The following LRRFIP1 variants were observed in gnomAD, a reference collection of about 807,000 sequenced individuals.
The protein encoded by LRRFIP1 is leucine-rich repeat flightless-interacting protein 1.
LRRFIP1 carries 62 observed loss-of-function variants against 104.4 expected under a neutral mutation model. The observed-to-expected ratio is 0.59, with a 90% CI of 0.48 to 0.73. The LOEUF (loss-of-function observed/expected upper bound fraction) is 0.73. LRRFIP1 is among the 30% of genes least tolerant of loss of function. The probability of loss-of-function intolerance (pLI) is 0.00; values close to 1 mark genes in which losing one functional copy is unlikely to be tolerated. For synonymous variants in LRRFIP1, 300 were observed against 299.0 expected, an observed-to-expected ratio of 1.00 and a Z score of -0.03; for missense variants, 796 against 824.5, an observed-to-expected ratio of 0.97 and a Z score of 0.42.
rs186833707 is a variant in LRRFIP1, at chr2:237,666,609, G to C, written c.96+38869G>C. Among the ~76,000 whole-genome samples the C allele has an allele frequency of 2.2e-3, 328 of 152,268 alleles. 4 individuals carry two copies. In the East Asian group the frequency reaches 0.025, roughly 12 times the overall value. ...CCTGGAGACAGGGAGGCCCTGAGAGGTCTCGGTGGTGACGGGTTGCAGGCA... is the reference window on the plus strand; with the variant it reads ...CCTGGAGACAGGGAGGCCCTGAGAGCTCTCGGTGGTGACGGGTTGCAGGCA... On this transcript the variant is annotated intron_variant, in intron 1 of 23. Coordinates refer to ENST00000308482, the MANE Select transcript of LRRFIP1 (RefSeq NM_001137550.2).
chr2:237,665,450 A>G (rs1421137003), intron 1 of LRRFIP1, among the ~76,000 whole-genome samples: 5 of 152,238 alleles, frequency 3.3e-5, no homozygotes, highest in Non-Finnish European at 7.3e-5. Context: ...CTCTTCACGT[A>G]AGAATGAGAT....
rs371272190 is a variant in LRRFIP1 at position 237,712,786 on chromosome 2, C to T, written c.184-1473C>T. ...TGGAGGATTTGGGAAGGTGCACTGA[C>T]GACACCTCCCTCACGCTCTTCTTTG... On this transcript the variant is annotated intron_variant, in intron 2 of 23. Coordinates refer to ENST00000308482, the MANE Select transcript of LRRFIP1 (RefSeq NM_001137550.2). Among the ~76,000 whole-genome samples the T allele has an allele frequency of 1.4e-4, 22 of 152,288 alleles. No homozygotes were observed. In the East Asian group the frequency reaches 2.9e-3, roughly 20 times the overall value.
intron 3 of LRRFIP1, among the ~76,000 whole-genome samples, chr2:237,715,863 A>G (rs550988046): frequency 6.6e-6 from 1 of 152,294 alleles, no homozygotes; most frequent in East Asian, 1.9e-4. Context: ...CCCAGGAACT[A>G]CTAGTTAATT....
chr2:237,749,566 C>T (rs775088472), intron 13 of LRRFIP1, among the ~76,000 whole-genome samples: 13 of 152,262 alleles, frequency 8.5e-5, no homozygotes, highest in South Asian at 4.2e-4. Flanking sequence ...CGGCCCCCTG[C>T]GCCCCTCAGC....
intron 1 of LRRFIP1, among the ~76,000 whole-genome samples, chr2:237,651,964 G>A (rs976189407): frequency 1.8e-4 from 28 of 152,332 alleles, no homozygotes; most frequent in African/African-American, 5.5e-4. Flanking sequence ...CAGCTCCAGC[G>A]TCTCCACCAG....
At chr2:237,730,309 C>A (rs1338259802) in intron 8 of LRRFIP1, among the ~76,000 whole-genome samples, 1 of 152,218 alleles carries the variant, frequency 6.6e-6, no homozygotes, top group Non-Finnish European at 1.5e-5. Context: ...AGAGTTCCTT[C>A]CCATTCTCTA....
chr2:237,719,600 TTTGA>T (rs1317410331), intron 5 of LRRFIP1, 33 bp downstream of exon 5: 2 of 1,549,836 alleles, frequency 1.3e-6, no homozygotes, highest in Non-Finnish European at 1.8e-6. Flanking sequence ...ACTTGGGCAA[TTTGA>T]TTGAATTCTA....
intron 19 of LRRFIP1, chr2:237,762,779 G>A (rs1292804829): frequency 1.9e-5 from 30 of 1,614,122 alleles, no homozygotes; most frequent in Admixed American, 5.0e-5. Flanking sequence ...TGAAGACACT[G>A]CCCCATTCCT....
At position 237,691,533 on chromosome 2, in the gene LRRFIP1, G is replaced by A. The variant is rs990956065; in HGVS notation, c.97-17011G>A. ...ACGCAGCTGCGTCGTCCTGGAAGTCGGCCCTTCTCGGGATGCCGCGTTAGT... is the reference window on the plus strand; with the variant it reads ...ACGCAGCTGCGTCGTCCTGGAAGTCAGCCCTTCTCGGGATGCCGCGTTAGT... On this transcript the variant is annotated intron_variant, in intron 1 of 23. Transcript: ENST00000308482. This position sits in a 1 kb window ranked among gnomAD's most constrained non-coding sequence, Gnocchi z 5.4. Among the ~76,000 whole-genome samples, 9 of 152,346 alleles carry A rather than the reference G, an allele frequency of 5.9e-5. No homozygotes were observed. The highest frequency in any genetic ancestry group is 5.9e-5 in the Non-Finnish European group (4 of 68,018).
At chr2:237,670,407 T>C (rs2090147907) in intron 1 of LRRFIP1, among the ~76,000 whole-genome samples, 1 of 152,168 alleles carries the variant, frequency 6.6e-6, no homozygotes, top group Admixed American at 6.5e-5. Context: ...AAAATGTTTA[T>C]TTGTTCTGTG....
At chr2:237,664,935 T>G (rs970439195) in intron 1 of LRRFIP1, among the ~76,000 whole-genome samples, 11 of 152,210 alleles carry the variant, frequency 7.2e-5, no homozygotes, top group Non-Finnish European at 2.9e-5. Context: ...GCCAAGAATT[T>G]CCATTCATAA....
At chr2:237,646,670 C>T (rs1278456979) in intron 1 of LRRFIP1, among the ~76,000 whole-genome samples, 1 of 151,796 alleles carries the variant, frequency 6.6e-6, no homozygotes, top group Non-Finnish European at 1.5e-5. Context: ...GAATTATTGC[C>T]CTTGTAAGAA....
chr2:237,636,343 C>T lies in LRRFIP1; in HGVS notation c.96+8603C>T, dbSNP rs544826916. On this transcript the variant is annotated intron_variant, in intron 1 of 23. Coordinates refer to ENST00000308482, the MANE Select transcript of LRRFIP1 (RefSeq NM_001137550.2). ...GAAAAAGAAGTAATTTTTCATTTTC[C>T]TTTCTTTTCTTTTTTTTTTTTTTTT... is the stretch of plus-strand genomic sequence containing the variant. Among the ~76,000 whole-genome samples the T allele has an allele frequency of 3.1e-4, 43 of 140,290 alleles. 2 individuals are homozygous for T. In the South Asian group the frequency reaches 8.8e-3, roughly 29 times the overall value. The allele number at this position is 140,290 out of a possible 152,430, so 92.0% of individuals were successfully genotyped here. A position where few individuals can be genotyped will look rare whatever the true frequency, so the allele number is the denominator to read the frequency against.
At chr2:237,744,473 A>C (rs2057539294) in intron 11 of LRRFIP1, among the ~76,000 whole-genome samples, 1 of 152,216 alleles carries the variant, frequency 6.6e-6, no homozygotes, top group African/African-American at 2.4e-5. Flanking sequence ...TGGAAAACTT[A>C]GCGTTTTAGC....
chr2:237,764,354 T>G, intron 19 of LRRFIP1: 1 of 1,476,146 alleles, frequency 6.8e-7, no homozygotes, highest in South Asian at 1.4e-5. Flanking sequence ...ATATTTGTTA[T>G]CAGTGTACGT....
At chr2:237,643,203 C>T (rs116279085) in intron 1 of LRRFIP1, among the ~76,000 whole-genome samples, 8 of 152,362 alleles carry the variant, frequency 5.3e-5, no homozygotes, top group South Asian at 2.1e-4. Flanking sequence ...GCCGCGCACT[C>T]GCTACACCTC....
At chr2:237,743,918 G>A (rs1317808408) in intron 11 of LRRFIP1, among the ~76,000 whole-genome samples, 5 of 152,140 alleles carry the variant, frequency 3.3e-5, no homozygotes, top group Admixed American at 2.0e-4. Flanking sequence ...AAGCCATCAC[G>A]TTTCTGAAAC....
At chr2:237,692,183 G>A (rs988191828) in intron 1 of LRRFIP1, 177 of 1,035,060 alleles carry the variant, frequency 1.7e-4, no homozygotes, top group Non-Finnish European at 1.9e-4. Flanking sequence ...GGGCGGAGGC[G>A]CCCGAGTCCC....
chr2:237,741,192 C>T (rs962235634), intron 11 of LRRFIP1, among the ~76,000 whole-genome samples: 1 of 152,220 alleles, frequency 6.6e-6, no homozygotes, highest in African/African-American at 2.4e-5. Context: ...TAATCTCTCC[C>T]CAGAGTGCAT....
Sources: gnomAD v4.1 joint callset for allele counts (sites outside exome capture counted in the v4.1 genomes callset) on GRCh38, gnomAD v4.1.1 for gene constraint, Gnocchi (gnomAD v3.1) non-coding constraint, MANE v1.5 for transcripts, NCBI Gene and HGNC (gene_info 2026-07-23, HGNC 2026-07-21) for gene names.